PAN3: variants seen among roughly 807,000 people sequenced by gnomAD.
PAN3 encodes the protein poly(A) specific ribonuclease subunit PAN3.
PAN3 carries 19 observed loss-of-function variants against 96.2 expected under a neutral mutation model. The observed-to-expected ratio is 0.20, with a 90% confidence interval of 0.14 to 0.29. The LOEUF (loss-of-function observed/expected upper bound fraction) is 0.29, where lower values mean the gene tolerates loss of function less well. Ranked by LOEUF, PAN3 falls within the 10% of genes least tolerant of loss-of-function variation. The pLI is 1.00. For synonymous variants in PAN3, 433 were observed against 406.6 expected, an observed-to-expected ratio of 1.06 and a Z score of -0.78; for missense variants, 882 against 1,108.1, an observed-to-expected ratio of 0.80 and a Z score of 2.90.
intron 4 of PAN3, among the ~76,000 whole-genome samples, chr13:28,188,291 C>T (rs969556951): frequency 6.6e-6 from 1 of 151,934 alleles, no homozygotes; most frequent in African/African-American, 2.4e-5. Flanking sequence ...GAGCTTCTTT[C>T]TGTTCATTAA....
chr13:28,202,221 C>T (rs928236590), intron 5 of PAN3, among the ~76,000 whole-genome samples: 7 of 152,146 alleles, frequency 4.6e-5, no homozygotes. Context: ...CTTAGGAAAG[C>T]TTAATGCTGG....
chr13:28,235,838 A>G (rs1166433072), intron 6 of PAN3, among the ~76,000 whole-genome samples: 1 of 151,552 alleles, frequency 6.6e-6, no homozygotes, highest in African/African-American at 2.4e-5. Context: ...CACCCTGTGG[A>G]GTAGCTAGGA....
chr13:28,235,722 C>CACACACACACAT (rs763204992), intron 6 of PAN3, among the ~76,000 whole-genome samples: 22 of 149,068 alleles, frequency 1.5e-4, no homozygotes, highest in African/African-American at 5.5e-4. Flanking sequence ...CACACACACA[C>CACACACACACAT]ATATATATAT....
chr13:28,208,868 G>C (rs575850028), intron 5 of PAN3, among the ~76,000 whole-genome samples: 448 of 152,234 alleles, frequency 2.9e-3, no homozygotes, highest in Non-Finnish European at 4.7e-3. Flanking sequence ...ATGAAAAAGG[G>C]AATGGTGTAA....
chr13:28,186,768 A>G (rs886124313), intron 4 of PAN3, among the ~76,000 whole-genome samples: 4 of 151,650 alleles, frequency 2.6e-5, no homozygotes, highest in African/African-American at 7.3e-5. Context: ...TGAAGCTGCA[A>G]TGAGCTGTGA....
intron 13 of PAN3, among the ~76,000 whole-genome samples, 183 bp from the exon 14 acceptor site, chr13:28,271,798 C>T (rs547054753): frequency 3.7e-4 from 57 of 152,134 alleles, no homozygotes; most frequent in Non-Finnish European, 4.9e-4. Context: ...CACTTGATAT[C>T]TCTGAGCCTT....
intron 6 of PAN3, among the ~76,000 whole-genome samples, chr13:28,243,124 T>C (rs1369934667): frequency 6.6e-6 from 1 of 152,238 alleles, no homozygotes; most frequent in Non-Finnish European, 1.5e-5. Flanking sequence ...TTTCCTGCCA[T>C]CTTGTGCTGG....
chr13:28,168,730 G>A (rs1461948878), intron 1 of PAN3, among the ~76,000 whole-genome samples: 1 of 151,250 alleles, frequency 6.6e-6, no homozygotes, highest in Non-Finnish European at 1.5e-5. Flanking sequence ...AAAAAGAAGT[G>A]TATTGTGGCT....
chr13:28,193,000 T>A (rs144179461), intron 4 of PAN3, among the ~76,000 whole-genome samples: 6 of 152,320 alleles, frequency 3.9e-5, no homozygotes, highest in Admixed American at 3.3e-4. Flanking sequence ...AGTGTCCAAT[T>A]TTTTGGCTTC....
chr13:28,228,173 T>C (rs746146078), intron 6 of PAN3, among the ~76,000 whole-genome samples: 1 of 152,224 alleles, frequency 6.6e-6, no homozygotes, highest in Non-Finnish European at 1.5e-5. Flanking sequence ...GTGTTACATG[T>C]CTAGTTAGGA....
chr13:28,187,357 A>G (rs189540439), intron 4 of PAN3, among the ~76,000 whole-genome samples: 77 of 152,232 alleles, frequency 5.1e-4, no homozygotes, highest in Non-Finnish European at 9.6e-4. Context: ...TTCACTCAAA[A>G]TATTTTATTA....
chr13:28,259,484 T>C (rs1225453824), intron 7 of PAN3, among the ~76,000 whole-genome samples: 4 of 151,870 alleles, frequency 2.6e-5, no homozygotes, highest in Non-Finnish European at 5.9e-5. Flanking sequence ...TTTTTGTATT[T>C]TTAGTAGAGA....
chr13:28,169,028 A>G (rs1235229418), intron 1 of PAN3, among the ~76,000 whole-genome samples: 1 of 151,986 alleles, frequency 6.6e-6, no homozygotes, highest in Non-Finnish European at 1.5e-5. Flanking sequence ...AAAAAAAAAA[A>G]GTGAATTGCA....
At chr13:28,210,614 T>A (rs1392696500) in intron 5 of PAN3, among the ~76,000 whole-genome samples, 6 of 152,160 alleles carry the variant, frequency 3.9e-5, no homozygotes, top group Non-Finnish European at 5.9e-5. Context: ...CTTTTTTTTT[T>A]AATTAAACTT....
chr13:28,278,572 T>TA (rs967140592), intron 15 of PAN3, among the ~76,000 whole-genome samples: 2 of 152,070 alleles, frequency 1.3e-5, no homozygotes. Context: ...TTTTCTTTAT[T>TA]AAAAAAATGA....
At chr13:28,237,170 T>C (rs1159126681) in intron 6 of PAN3, among the ~76,000 whole-genome samples, 1 of 141,532 alleles carries the variant, frequency 7.1e-6, no homozygotes, top group Non-Finnish European at 1.5e-5. Flanking sequence ...GAAAAATTAA[T>C]GGAAAATGGC....
chr13:28,266,279 G>A (rs1479949223), intron 9 of PAN3, among the ~76,000 whole-genome samples: 1 of 152,106 alleles, frequency 6.6e-6, no homozygotes, highest in Non-Finnish European at 1.5e-5. Context: ...AGTCATTCGA[G>A]ACAGTTAACA....
chr13:28,160,268 A>G (rs896425889), intron 1 of PAN3, among the ~76,000 whole-genome samples: 2 of 152,176 alleles, frequency 1.3e-5, no homozygotes, highest in East Asian at 3.9e-4. Context: ...AAAGATAACT[A>G]TAGTAGGCTT....
intron 6 of PAN3, among the ~76,000 whole-genome samples, chr13:28,224,924 G>A (rs1360220623): frequency 6.6e-6 from 1 of 152,114 alleles, no homozygotes; most frequent in Non-Finnish European, 1.5e-5. Flanking sequence ...CTCAGCCTTT[G>A]TTGCATATTA....
Sources: gnomAD v4.1 joint callset for allele counts (sites outside exome capture counted in the v4.1 genomes callset) on GRCh38, gnomAD v4.1.1 for gene constraint, MANE v1.5 for transcripts, NCBI Gene and HGNC (gene_info 2026-07-23, HGNC 2026-07-21) for gene names.